The following JPH3 variants were observed in gnomAD, a reference collection of about 807,000 sequenced individuals.
JPH3 encodes junctophilin 3, also known as junctophilin-3.
JPH3 carries 11 observed loss-of-function variants against 59.6 expected under a neutral mutation model. The observed-to-expected ratio is 0.18, with a 90% CI of 0.12 to 0.31. The LOEUF (loss-of-function observed/expected upper bound fraction) is 0.31, where lower values mean the gene tolerates loss of function less well. Ranked by LOEUF, JPH3 falls within the 10% of genes least tolerant of loss-of-function variation. JPH3 has a pLI of 1.00. For synonymous variants in JPH3, 673 were observed against 483.6 expected (o/e 1.39, Z -5.14); for missense variants, 1,202 against 1,105.7 (o/e 1.09, Z -1.24).
chr16:87,648,576 T>A (rs1042804452), intron 2 of JPH3, among the ~76,000 whole-genome samples: 1 of 151,974 alleles, frequency 6.6e-6, no homozygotes, highest in African/African-American at 2.4e-5. Context: ...GGAAGGGAAG[T>A]GGGTTTTCCT....
chr16:87,660,408 C>G (rs1458261331), intron 2 of JPH3, among the ~76,000 whole-genome samples: 2 of 152,082 alleles, frequency 1.3e-5, no homozygotes, highest in East Asian at 3.9e-4. Context: ...GTGAAAGGGG[C>G]CTCCCCAGAG....
At chr16:87,638,886 C>T (rs1200579061) in intron 1 of JPH3, among the ~76,000 whole-genome samples, 1 of 151,986 alleles carries the variant, frequency 6.6e-6, no homozygotes, top group African/African-American at 2.4e-5. Flanking sequence ...GATCTGCCTA[C>T]GAATCTCTCA....
intron 1 of JPH3, among the ~76,000 whole-genome samples, chr16:87,639,315 G>C (rs1293408928): frequency 2.6e-5 from 4 of 151,660 alleles, no homozygotes; most frequent in Non-Finnish European, 5.9e-5. Flanking sequence ...ACTCAAGTCT[G>C]TCTGAGGCCT....
At chr16:87,648,373 G>T (rs1435985057) in intron 2 of JPH3, among the ~76,000 whole-genome samples, 1 of 152,224 alleles carries the variant, frequency 6.6e-6, no homozygotes, top group African/African-American at 2.4e-5. Flanking sequence ...CGCACCACGT[G>T]GGCTGAGGAG....
At chr16:87,696,466 G>A (rs2033860757) in intron 4 of JPH3, 114 bp from the exon 5 acceptor site, 5 of 835,886 alleles carry the variant, frequency 6.0e-6, no homozygotes, top group East Asian at 2.4e-5. Context: ...CCTCCCGTAC[G>A]CTTCCACCCC....
intron 3 of JPH3, among the ~76,000 whole-genome samples, chr16:87,687,252 T>A (rs184351683): frequency 6.6e-6 from 1 of 152,210 alleles, no homozygotes; most frequent in African/African-American, 2.4e-5. Context: ...CAATGACAGA[T>A]GACAGAACAG....
In JPH3 at chr16:87,603,034, C is replaced by T; in HGVS notation, c.-113C>T. The T allele has an allele frequency of 1.4e-6, 2 of 1,414,502 alleles. No homozygotes were observed. The highest frequency in any genetic ancestry group is 2.1e-5 in the Admixed American group (1 of 47,908). The allele number at this position is 1,414,502 out of a possible 1,614,324, so 87.6% of individuals were successfully genotyped here. ...AGACCGCGCTCCGGGGCCGCGTCCT[C>T]CTCTCCTCCGGAAAACGCTCGCGAC... On this transcript the variant is annotated 5_prime_UTR_variant, in exon 1 of 5. Transcript: ENST00000284262.
At chr16:87,651,839 CAG>C (rs1295700757) in intron 2 of JPH3, among the ~76,000 whole-genome samples, 7 of 152,240 alleles carry the variant, frequency 4.6e-5, no homozygotes, top group Admixed American at 4.6e-4. Flanking sequence ...AAAACAGCAG[CAG>C]AGTTTGAGGG....
chr16:87,650,403 C>T (rs2032293128), intron 2 of JPH3, among the ~76,000 whole-genome samples: 1 of 152,150 alleles, frequency 6.6e-6, no homozygotes, highest in Admixed American at 6.5e-5. Context: ...CTCCCTATTC[C>T]CTGAGACACA....
intron 2 of JPH3, among the ~76,000 whole-genome samples, chr16:87,665,300 G>A (rs912227381): frequency 6.6e-6 from 1 of 152,242 alleles, no homozygotes; most frequent in Non-Finnish European, 1.5e-5. Flanking sequence ...TGCGTGGGCT[G>A]GCTTCCCCGG....
chr16:87,634,590 G>A (rs945792068), intron 1 of JPH3, among the ~76,000 whole-genome samples: 26 of 152,322 alleles, frequency 1.7e-4, no homozygotes, highest in Middle Eastern at 6.8e-3. Context: ...ACCACCTTGG[G>A]CTCCCCTGCC....
At chr16:87,625,398 G>T (rs952366821) in intron 1 of JPH3, among the ~76,000 whole-genome samples, 1 of 152,122 alleles carries the variant, frequency 6.6e-6, no homozygotes, top group Non-Finnish European at 1.5e-5. Context: ...CCAGCAGCTC[G>T]CAGGCTGCCT....
At chr16:87,619,254 C>T (rs962350467) in intron 1 of JPH3, among the ~76,000 whole-genome samples, 6 of 149,800 alleles carry the variant, frequency 4.0e-5, no homozygotes, top group African/African-American at 1.2e-4. Context: ...TCAAGGCTGC[C>T]GTGAGCTATG....
intron 2 of JPH3, among the ~76,000 whole-genome samples, chr16:87,680,611 C>T (rs1407122074): frequency 6.6e-6 from 1 of 151,766 alleles, no homozygotes; most frequent in Non-Finnish European, 1.5e-5. Context: ...GGTGGGGGGC[C>T]CCAGGTGAGC....
At position 87,608,612 on chromosome 16, in the gene JPH3, C is replaced by T. The variant is rs567165374; in HGVS notation, c.382+5084C>T. Among the ~76,000 whole-genome samples the T allele has an allele frequency of 7.2e-5, 11 of 152,276 alleles. No homozygotes were observed. The South Asian group carries it at 1.0e-3, about 14-fold the overall frequency. On this transcript the variant is annotated intron_variant, in intron 1 of 4. Transcript: ENST00000284262. ...CCTTCAGCACCTTGGAGAGCGCTCCCGGCTGCCTGCCTGGGTTGGGTGGAC... is the reference window on the plus strand; with the variant it reads ...CCTTCAGCACCTTGGAGAGCGCTCCTGGCTGCCTGCCTGGGTTGGGTGGAC...
At chr16:87,683,258 T>C (rs1173880391) in intron 2 of JPH3, among the ~76,000 whole-genome samples, 1 of 152,040 alleles carries the variant, frequency 6.6e-6, no homozygotes, top group Non-Finnish European at 1.5e-5. Flanking sequence ...GGGCTTGGAC[T>C]CTTTCTGTGC....
At chr16:87,626,322 A>G (rs1006312196) in intron 1 of JPH3, among the ~76,000 whole-genome samples, 5 of 152,010 alleles carry the variant, frequency 3.3e-5, no homozygotes, top group Admixed American at 6.6e-5. Context: ...TGGGATTTGT[A>G]CCCTGGTGGC....
chr16:87,640,560 T>C (rs2031914209), intron 1 of JPH3, among the ~76,000 whole-genome samples: 1 of 151,630 alleles, frequency 6.6e-6, no homozygotes, highest in Admixed American at 6.6e-5. Context: ...CTAGCTAGTT[T>C]TTTTGTATTT....
intron 4 of JPH3, among the ~76,000 whole-genome samples, chr16:87,691,942 A>G (rs33932171): frequency 0.44 from 66,070 of 151,874 alleles, 15,824 homozygotes; most frequent in African/African-American, 0.65. Flanking sequence ...TAATGCACTG[A>G]CACTTTTGGG....
Sources: gnomAD v4.1 joint callset for allele counts (sites outside exome capture counted in the v4.1 genomes callset) on GRCh38, gnomAD v4.1.1 for gene constraint, MANE v1.5 for transcripts, NCBI Gene and HGNC (gene_info 2026-07-23, HGNC 2026-07-21) for gene names.